The following MAML2 variants were observed in gnomAD, a reference collection of about 807,000 sequenced individuals.
The protein encoded by MAML2 is mastermind like transcriptional coactivator 2.
Under a neutral mutation model 96.1 loss-of-function variants are expected in MAML2, and 22 were observed. That is an observed-to-expected ratio of 0.23 (90% confidence interval 0.16 to 0.33). MAML2 has a LOEUF of 0.33. Among genes scored for constraint, MAML2 ranks in the 10% least tolerant of loss-of-function variants. The probability of loss-of-function intolerance (pLI) is 1.00; values close to 1 mark genes in which losing one functional copy is unlikely to be tolerated. For missense variants in MAML2, 1,367 were observed against 1,392.4 expected, an observed-to-expected ratio of 0.98 and a Z score of 0.29; for synonymous variants, 561 against 521.3, an observed-to-expected ratio of 1.08 and a Z score of -1.04.
chr11:96,092,063 TTGCTGTTGTTGTTGCTGCTGCTGC>T lies in MAML2; in HGVS notation c.1944_1967del (p.Gln658_Gln665del). 1.3e-6 allele frequency: 2 copies of T among 1,551,766 alleles called. No individual in the cohort carries two copies. The highest frequency in any genetic ancestry group is 1.2e-5 in the South Asian group (1 of 84,110). ...GTTGCTGCTGCTGCTGCTGCTGTTG[TTGCTGTTGTTGTTGCTGCTGCTGC>T]TGCTGTTGTTGCTGCTGCTGCTGCT... On this transcript the variant is annotated inframe_deletion, in exon 2 of 5. Transcript: ENST00000524717. This position sits in a 1 kb window ranked among gnomAD's most constrained non-coding sequence, Gnocchi z 4.1.
chr11:96,054,387 GA>G (rs1250395885), intron 2 of MAML2, among the ~76,000 whole-genome samples: 1 of 150,124 alleles, frequency 6.7e-6, no homozygotes, highest in Non-Finnish European at 1.5e-5. Context: ...AACCTGTTCT[GA>G]TAGTTAGAGA....
chr11:96,335,862 T>A (rs1863914319), intron 1 of MAML2, among the ~76,000 whole-genome samples: 1 of 152,086 alleles, frequency 6.6e-6, no homozygotes, highest in Non-Finnish European at 1.5e-5. Flanking sequence ...CCCCAAACAC[T>A]TAACTTACAT....
chr11:96,081,324 CAT>C (rs1859526308), intron 2 of MAML2, among the ~76,000 whole-genome samples: 3 of 151,968 alleles, frequency 2.0e-5, no homozygotes, highest in Non-Finnish European at 4.4e-5. Context: ...TTATAATATT[CAT>C]ATAAGATTTT....
intron 2 of MAML2, among the ~76,000 whole-genome samples, chr11:96,013,188 G>A (rs1320447956): frequency 6.6e-6 from 1 of 152,140 alleles, no homozygotes. Flanking sequence ...AGGGAAGTAG[G>A]TTATGTATCA....
At chr11:96,188,410 G>A (rs1470502221) in intron 1 of MAML2, among the ~76,000 whole-genome samples, 1 of 152,124 alleles carries the variant, frequency 6.6e-6, no homozygotes, top group African/African-American at 2.4e-5. Flanking sequence ...TCCCTTCCCT[G>A]GGGCTGTGAC....
At chr11:96,204,395 T>A (rs1348710044) in intron 1 of MAML2, among the ~76,000 whole-genome samples, 1 of 152,218 alleles carries the variant, frequency 6.6e-6, no homozygotes, top group Non-Finnish European at 1.5e-5. Flanking sequence ...ACAGACTAAG[T>A]AATGTGCATT....
At chr11:96,042,519 C>A (rs1858832103) in intron 2 of MAML2, among the ~76,000 whole-genome samples, 1 of 149,984 alleles carries the variant, frequency 6.7e-6, no homozygotes, top group Admixed American at 6.6e-5. Context: ...AACCATGTCA[C>A]ACTTTTATTT....
In MAML2 at chr11:96,092,519, G is replaced by A. The variant is rs763524347; in HGVS notation, c.1512C>T (p.Ser504=). Residue 504 remains serine, a synonymous_variant, in exon 2 of 5, where the codon AGC becomes AGT. Transcript: ENST00000524717. This position sits in a 1 kb window ranked among gnomAD's most constrained non-coding sequence, Gnocchi z 4.1. ...SSPMPGVAGG[S]GQSKVMANYM... ...AGTTAGCCATTACTTTCGACTGGCCGCTGCCGCCAGCTACCCCAGGCATGG... is the reference window on the plus strand; with the variant it reads ...AGTTAGCCATTACTTTCGACTGGCCACTGCCGCCAGCTACCCCAGGCATGG... 2.0e-5 allele frequency: 32 copies of A among 1,594,440 alleles called. No individual in the cohort carries two copies. The highest frequency in any genetic ancestry group is 1.0e-4 in the Admixed American group (6 of 59,006).
At chr11:96,093,896 A>G (rs982392215) in intron 1 of MAML2, among the ~76,000 whole-genome samples, 1 of 152,146 alleles carries the variant, frequency 6.6e-6, no homozygotes, top group African/African-American at 2.4e-5. Flanking sequence ...TGCACACACA[A>G]CTCCTCGCAG....
chr11:96,040,657 C>A (rs886823881), intron 2 of MAML2, among the ~76,000 whole-genome samples: 2 of 152,064 alleles, frequency 1.3e-5, no homozygotes, highest in African/African-American at 4.8e-5. Context: ...ATCCTAGCTA[C>A]CCAGGAGGCT....
chr11:96,207,618 T>C (rs1040606338), intron 1 of MAML2, among the ~76,000 whole-genome samples: 4 of 152,152 alleles, frequency 2.6e-5, no homozygotes, highest in African/African-American at 9.7e-5. Context: ...GCCAACACAG[T>C]CAAAAGAAAA....
At chr11:96,282,099 A>C (rs1489496812) in intron 1 of MAML2, among the ~76,000 whole-genome samples, 2 of 151,880 alleles carry the variant, frequency 1.3e-5, no homozygotes, top group Non-Finnish European at 2.9e-5. Flanking sequence ...AATACAAAAA[A>C]TTAGCTGGGC....
rs1270630338 is a variant in MAML2 at position 96,343,030 on chromosome 11, T to A, written c.-1135A>T. On this transcript the variant is annotated 5_prime_UTR_variant, in exon 1 of 5. Coordinates refer to ENST00000524717, the MANE Select transcript of MAML2 (RefSeq NM_032427.4). ...CAATAAGCAATCTGGTTCTATCTCCTGTATTTGCTCCGCTTTATAGATGGA... is the reference window on the plus strand; with the variant it reads ...CAATAAGCAATCTGGTTCTATCTCCAGTATTTGCTCCGCTTTATAGATGGA... The A allele has an allele frequency of 2.5e-6, 1 of 395,208 alleles. No individual in the cohort carries two copies. Among genetic ancestry groups the A allele is most frequent in the Non-Finnish European group, 4.5e-6 (1 of 224,258 alleles). The allele number at this position is 395,208 out of a possible 1,614,324, so 24.5% of individuals were successfully genotyped here. A position where few individuals can be genotyped will look rare whatever the true frequency, so the allele number is the denominator to read the frequency against.
rs1181002067 is a variant in MAML2 at position 96,093,430 on chromosome 11, G to T, written c.601C>A (p.Leu201Ile). Residue 201 changes from leucine (L) to isoleucine (I), a missense_variant, in exon 2 of 5, where the codon CTT (leucine) becomes ATT (isoleucine). Coordinates refer to ENST00000524717, the MANE Select transcript of MAML2 (RefSeq NM_032427.4). The part of the protein sequence containing the change: ...RPNGFVDNSF[L>I]DIKRIRVGEN... The stretch of plus-strand genomic sequence containing the variant: ...CCAACACGAATTCTTTTGATATCAA[G>T]AAATGAGTTGTCCACAAAGCCATTG... 1 of 1,613,906 alleles carries T rather than the reference G, an allele frequency of 6.2e-7. No individual in the cohort carries two copies. Among genetic ancestry groups the T allele is most frequent in the Non-Finnish European group, 8.5e-7 (1 of 1,179,908 alleles).
chr11:96,327,678 CAA>C (rs976193633), intron 1 of MAML2, among the ~76,000 whole-genome samples: 25 of 152,106 alleles, frequency 1.6e-4, no homozygotes, highest in Admixed American at 1.2e-3. Context: ...TTCAGCCTCC[CAA>C]AGTGTTTGGA....
At chr11:96,165,167 AGT>A (rs2135893626) in intron 1 of MAML2, among the ~76,000 whole-genome samples, 1 of 151,982 alleles carries the variant, frequency 6.6e-6, no homozygotes, top group African/African-American at 2.4e-5. Flanking sequence ...ATTGCTTTGT[AGT>A]GTGTTTTTTT....
In MAML2 at chr11:95,977,812, C is replaced by A. The variant is rs1446335452; in HGVS notation, c.*1136G>T. 1.8e-5 allele frequency: 4 copies of A among 226,136 alleles called. No homozygotes were observed. Among genetic ancestry groups the A allele is most frequent in the Non-Finnish European group, 2.6e-5 (3 of 113,660 alleles). 14.0% of individuals were successfully genotyped at this position (226,136 alleles called of 1,614,324 possible). A position where few individuals can be genotyped will look rare whatever the true frequency, so the allele number is the denominator to read the frequency against. ...GACCACATTCCATTTTGTTGCTCACCCAAATCCAAATAATACGTCCAATGA... is the reference window on the plus strand; with the variant it reads ...GACCACATTCCATTTTGTTGCTCACACAAATCCAAATAATACGTCCAATGA... On this transcript the variant is annotated 3_prime_UTR_variant, in exon 5 of 5. Transcript: ENST00000524717.
chr11:96,199,388 G>T, intron 1 of MAML2, among the ~76,000 whole-genome samples: 1 of 151,796 alleles, frequency 6.6e-6, no homozygotes, highest in Non-Finnish European at 1.5e-5. Flanking sequence ...TCTCCCTCCT[G>T]GTTTACCTAC....
chr11:96,120,017 AC>A (rs1317120719), intron 1 of MAML2, among the ~76,000 whole-genome samples: 1 of 143,094 alleles, frequency 7.0e-6, no homozygotes, highest in Non-Finnish European at 1.5e-5. Context: ...GAGTGCAGTG[AC>A]ACGATCTCAG....
Sources: allele counts gnomAD v4.1 joint callset (sites outside exome capture counted in the v4.1 genomes callset), GRCh38; gene constraint gnomAD v4.1.1; non-coding constraint Gnocchi (gnomAD v3.1); transcripts MANE v1.5; gene names NCBI Gene and HGNC (gene_info 2026-07-23, HGNC 2026-07-21).